Variants in HDAC4 observed in about 807,000 individuals in gnomAD.
HDAC4 encodes the protein histone deacetylase A.
A neutral mutation model predicts 135.1 loss-of-function variants in HDAC4; 16 were observed. That is an observed-to-expected ratio of 0.12 (90% CI 0.08 to 0.18). HDAC4 has a LOEUF of 0.18. Ranked by LOEUF, HDAC4 falls within the 10% of genes least tolerant of loss-of-function variation. The probability of loss-of-function intolerance (pLI) is 1.00; values close to 1 mark genes in which losing one functional copy is unlikely to be tolerated. For synonymous variants in HDAC4, 685 were observed against 653.4 expected (o/e 1.05, Z -0.74); for missense variants, 1,143 against 1,511.8 (o/e 0.76, Z 4.05).
intron 2 of HDAC4, among the ~76,000 whole-genome samples, chr2:239,340,308 T>C (rs1692221062): frequency 6.6e-6 from 1 of 152,112 alleles, no homozygotes; most frequent in African/African-American, 2.4e-5. Context: ...TACTGAGGAC[T>C]GGCGAAGAAC....
chr2:239,119,355 C>T (rs1327660368), intron 12 of HDAC4, among the ~76,000 whole-genome samples: 1 of 152,168 alleles, frequency 6.6e-6, no homozygotes, highest in Non-Finnish European at 1.5e-5. Flanking sequence ...CAGGACGGGC[C>T]TTCAGGAAGC....
intron 3 of HDAC4, among the ~76,000 whole-genome samples, chr2:239,199,062 G>C (rs73002102): frequency 6.6e-6 from 1 of 152,116 alleles, no homozygotes; most frequent in Non-Finnish European, 1.5e-5. Context: ...ATTGTAATTA[G>C]CTGATGTATC....
At chr2:239,361,962 A>G (rs1193502063) in intron 1 of HDAC4, among the ~76,000 whole-genome samples, 1 of 152,258 alleles carries the variant, frequency 6.6e-6, no homozygotes, top group Non-Finnish European at 1.5e-5. Context: ...TCAAGGATCC[A>G]TTTGTTTCTG....
chr2:239,094,960 G>A (rs1405686134), intron 17 of HDAC4, 50 bp downstream of exon 17: 6 of 1,613,040 alleles, frequency 3.7e-6, no homozygotes, highest in Admixed American at 1.7e-5. Context: ...TGTGACCACT[G>A]GGACTCGAGA....
chr2:239,336,699 C>T (rs1217018465), intron 2 of HDAC4, among the ~76,000 whole-genome samples: 1 of 152,182 alleles, frequency 6.6e-6, no homozygotes, highest in Non-Finnish European at 1.5e-5. Flanking sequence ...CTGCCATATA[C>T]CCTACCAATA....
chr2:239,065,250 C>A (rs1380467548), intron 24 of HDAC4, among the ~76,000 whole-genome samples: 2 of 152,192 alleles, frequency 1.3e-5, no homozygotes, highest in Non-Finnish European at 2.9e-5. Context: ...GCGTGCAAGG[C>A]ACCTGTAAGT....
At chr2:239,084,083 C>T (rs976964178) in intron 20 of HDAC4, 72 bp downstream of exon 20, 6 of 1,055,232 alleles carry the variant, frequency 5.7e-6, no homozygotes, top group Middle Eastern at 2.0e-4. Context: ...CTCCTCTGTC[C>T]ACACGCTGCT....
intron 2 of HDAC4, among the ~76,000 whole-genome samples, chr2:239,320,260 TA>T (rs555040636): frequency 8.3e-4 from 126 of 151,716 alleles, no homozygotes; most frequent in African/African-American, 2.8e-3. Context: ...GAGGCGCCTG[TA>T]ATCCCAGCTA....
intron 16 of HDAC4, among the ~76,000 whole-genome samples, chr2:239,098,702 G>A (rs74000656): frequency 0.012 from 1,818 of 152,208 alleles, 31 homozygotes; most frequent in African/African-American, 0.042. Flanking sequence ...TCCATTAAAA[G>A]AGGAAAGAAA....
intron 2 of HDAC4, among the ~76,000 whole-genome samples, chr2:239,320,335 T>C (rs1286062070): frequency 7.3e-6 from 1 of 136,170 alleles, no homozygotes; most frequent in Non-Finnish European, 1.5e-5. Flanking sequence ...TGAGTCGAGA[T>C]CGCACCATTG....
chr2:239,161,527 G>T (rs1290291709), intron 6 of HDAC4, among the ~76,000 whole-genome samples: 2 of 152,148 alleles, frequency 1.3e-5, no homozygotes, highest in Admixed American at 1.3e-4. Flanking sequence ...TTCTGACAAA[G>T]TTTCTGCCAC....
intron 5 of HDAC4, among the ~76,000 whole-genome samples, chr2:239,175,856 C>T (rs951782643): frequency 7.2e-5 from 11 of 152,202 alleles, no homozygotes; most frequent in Middle Eastern, 3.2e-3. Flanking sequence ...AACCAAAAGT[C>T]GGGCTGAATG....
At chr2:239,152,212 GCT>G (rs1386056475) in intron 7 of HDAC4, among the ~76,000 whole-genome samples, 1 of 152,196 alleles carries the variant, frequency 6.6e-6, no homozygotes, top group East Asian at 1.9e-4. Context: ...GGACTCAAAG[GCT>G]CTGTTTAAAT....
intron 16 of HDAC4, among the ~76,000 whole-genome samples, chr2:239,096,752 G>A (rs1473523331): frequency 1.6e-5 from 2 of 128,534 alleles, no homozygotes; most frequent in Admixed American, 1.7e-4. Context: ...ACGGACACCA[G>A]CACCCCCCAC....
intron 2 of HDAC4, among the ~76,000 whole-genome samples, chr2:239,280,929 CACAATGTACACACCACTCT>C (rs1377897697): frequency 0.018 from 2,635 of 144,150 alleles, 214 homozygotes; most frequent in African/African-American, 0.066. Flanking sequence ...CCACTCTCCA[CACAATGTACACACCACTCT>C]ACAATGTACA....
chr2:239,168,326 C>T (rs2043237748), intron 5 of HDAC4, among the ~76,000 whole-genome samples: 1 of 152,176 alleles, frequency 6.6e-6, no homozygotes, highest in Non-Finnish European at 1.5e-5. Context: ...GCTCCTTCCC[C>T]GAGCTTATGT....
rs61452385 is a variant in HDAC4, at chr2:239,293,659, G to A, written c.23-56995C>T. On this transcript the variant is annotated intron_variant, in intron 2 of 26. Transcript: ENST00000543185. ...GGGCACCTCCAGGCTTCCTGCAGTG[G>A]CTACGCACAGGGCATCTCTGGGCTC... 4.0e-3 allele frequency among the ~76,000 whole-genome samples: 608 copies of A among 152,232 alleles called. 5 individuals are homozygous for A. Among genetic ancestry groups the A allele is most frequent in the African/African-American group, 0.014 (585 of 41,530 alleles).
chr2:239,292,933 G>A (rs768019101), intron 2 of HDAC4, among the ~76,000 whole-genome samples: 6 of 152,148 alleles, frequency 3.9e-5, no homozygotes, highest in African/African-American at 4.8e-5. Context: ...GAACATTTCC[G>A]ATTTGAAGTT....
intron 2 of HDAC4, among the ~76,000 whole-genome samples, chr2:239,284,550 C>T (rs1018176055): frequency 6.6e-6 from 1 of 152,200 alleles, no homozygotes; most frequent in Non-Finnish European, 1.5e-5. Context: ...GCATGAAAGC[C>T]CATCAGGTGC....
Sources: allele counts gnomAD v4.1 joint callset (sites outside exome capture counted in the v4.1 genomes callset), GRCh38; gene constraint gnomAD v4.1.1; transcripts MANE v1.5; gene names NCBI Gene and HGNC (gene_info 2026-07-23, HGNC 2026-07-21).